The following MBD5 variants were observed in gnomAD, a reference collection of about 807,000 sequenced individuals.
MBD5 encodes methyl-CpG binding domain protein 5.
MBD5 carries 13 observed loss-of-function variants against 117.3 expected under a neutral mutation model. The ratio of observed to expected loss-of-function variants is 0.11; its 90% CI spans 0.07 to 0.18. The LOEUF (loss-of-function observed/expected upper bound fraction) is 0.18, where lower values mean the gene tolerates loss of function less well. Among genes scored for constraint, MBD5 ranks in the 10% least tolerant of loss-of-function variants. The probability of loss-of-function intolerance (pLI) is 1.00; values close to 1 mark genes in which losing one functional copy is unlikely to be tolerated. For synonymous variants in MBD5, 727 were observed against 766.4 expected, an observed-to-expected ratio of 0.95 and a Z score of 0.85; for missense variants, 1,879 against 2,093.8, an observed-to-expected ratio of 0.90 and a Z score of 2.00.
At chr2:148,089,370 A>G (rs1178496988) in intron 1 of MBD5, among the ~76,000 whole-genome samples, 3 of 152,188 alleles carry the variant, frequency 2.0e-5, no homozygotes, top group South Asian at 2.1e-4. Context: ...GCAGAACATT[A>G]TACCTAACAA....
chr2:148,376,369 G>A (rs1355853593), intron 4 of MBD5, among the ~76,000 whole-genome samples: 1 of 148,810 alleles, frequency 6.7e-6, no homozygotes, highest in Non-Finnish European at 1.5e-5. Flanking sequence ...CTGGGTTCAC[G>A]TCATTCTCCT....
chr2:148,277,667 C>T (rs1327678361), intron 3 of MBD5, among the ~76,000 whole-genome samples: 6 of 151,866 alleles, frequency 4.0e-5, no homozygotes, highest in African/African-American at 1.5e-4. Context: ...TTGATAATGC[C>T]TCTATTTGTG....
chr2:148,180,429 T>C (rs1051767502), intron 2 of MBD5, among the ~76,000 whole-genome samples: 1 of 150,082 alleles, frequency 6.7e-6, no homozygotes, highest in African/African-American at 2.4e-5. Context: ...TTTGAGCTCC[T>C]GGGCTCCAGC....
rs566604402 is a variant in MBD5, at chr2:148,496,555, A to T, written c.4963-5881A>T. ...ATTTCAGATAGGAAGCAGGAAATAGATTCTCAGGTCTGAGGCAACTACTTG... is the reference window on the plus strand; with the variant it reads ...ATTTCAGATAGGAAGCAGGAAATAGTTTCTCAGGTCTGAGGCAACTACTTG... On this transcript the variant is annotated intron_variant, in intron 11 of 13. Coordinates refer to ENST00000642680, the MANE Select transcript of MBD5 (RefSeq NM_001378120.1). Among the ~76,000 whole-genome samples, 6 of 152,342 alleles carry T rather than the reference A, an allele frequency of 3.9e-5. No homozygotes were observed. In the East Asian group the frequency reaches 1.2e-3, roughly 29 times the overall value.
chr2:148,442,171 G>A (rs985382910), intron 4 of MBD5, among the ~76,000 whole-genome samples: 3 of 151,298 alleles, frequency 2.0e-5, no homozygotes, highest in African/African-American at 7.4e-5. Flanking sequence ...TAGACCTGAA[G>A]TCCTAAGTGT....
chr2:148,162,655 C>CTTATT (rs1698036387), intron 1 of MBD5, among the ~76,000 whole-genome samples: 4 of 152,032 alleles, frequency 2.6e-5, no homozygotes, highest in Non-Finnish European at 5.9e-5. Context: ...TACATGGTCA[C>CTTATT]TTATTAGCAT....
At position 148,231,453 on chromosome 2, in the gene MBD5, T is replaced by A. The variant is rs73011228; in HGVS notation, c.-830-1792T>A. Among the ~76,000 whole-genome samples the A allele has an allele frequency of 5.6e-3, 854 of 152,314 alleles. 11 individuals are homozygous for A. The highest frequency in any genetic ancestry group is 0.02 in the African/African-American group (826 of 41,574). ...AGAGGTGGCATCAGCTATTTAAGAC[T>A]GTTTTTCCTACCTGTTCAGTGCCTC... On this transcript the variant is annotated intron_variant, in intron 2 of 13. Transcript: ENST00000642680.
At chr2:148,451,891 A>C (rs1044911015) in intron 4 of MBD5, among the ~76,000 whole-genome samples, 1 of 152,178 alleles carries the variant, frequency 6.6e-6, no homozygotes, top group African/African-American at 2.4e-5. Flanking sequence ...TCAAATATCT[A>C]TGTTTTACCT....
At chr2:148,144,949 A>G (rs1326659369) in intron 1 of MBD5, among the ~76,000 whole-genome samples, 1 of 152,190 alleles carries the variant, frequency 6.6e-6, no homozygotes, top group Non-Finnish European at 1.5e-5. Context: ...TTGGTTCCAT[A>G]TGAACTTTAA....
intron 4 of MBD5, among the ~76,000 whole-genome samples, chr2:148,389,219 GTGTGTA>G (rs1213240730): frequency 2.4e-5 from 2 of 84,818 alleles, no homozygotes; most frequent in African/African-American, 4.4e-5. Context: ...GTGTGTGTGT[GTGTGTA>G]ATGTGATATA....
At position 148,490,453 on chromosome 2, in the gene MBD5, A is replaced by C; in HGVS notation, c.4821A>C (p.Glu1607Asp). 6.2e-7 allele frequency: 1 copy of C among 1,614,186 alleles called. No homozygotes were observed. The highest frequency in any genetic ancestry group is 8.5e-7 in the Non-Finnish European group (1 of 1,180,026). Residue 1607 changes from glutamate to aspartate, a missense_variant, in exon 11 of 14, where the codon GAA becomes GAC. Around this residue, in one of 4 missense-constraint regions of MBD5, gnomAD observed 135 missense variants for 148.0 expected, o/e 0.91. Transcript: ENST00000642680. Reference sequence around the variant, plus strand: ...ACCCAGACTCCCCCTCTTCAAATGAATTGATACATTATAGACCAAGGACGT... The same window carrying C: ...ACCCAGACTCCCCCTCTTCAAATGACTTGATACATTATAGACCAAGGACGT... Reference protein sequence around the residue: ...LRNPDSPSSNELIHYRPRTFN... With the variant: ...LRNPDSPSSNDLIHYRPRTFN...
At chr2:148,464,543 C>T (rs529093326) in intron 7 of MBD5, among the ~76,000 whole-genome samples, 69 of 152,202 alleles carry the variant, frequency 4.5e-4, no homozygotes, top group South Asian at 4.4e-3. Flanking sequence ...CACACTCTTA[C>T]ATAAACACGA....
At chr2:148,463,620 G>A (rs1341249244) in intron 6 of MBD5, 119 bp from the exon 7 acceptor site, 2 of 1,254,364 alleles carry the variant, frequency 1.6e-6, no homozygotes, top group Non-Finnish European at 2.3e-6. Context: ...TTAAAAACTT[G>A]AGAAAGTTTT....
intron 1 of MBD5, among the ~76,000 whole-genome samples, chr2:148,108,101 G>A (rs1034041021): frequency 1.4e-5 from 2 of 145,452 alleles, no homozygotes; most frequent in African/African-American, 4.9e-5. Flanking sequence ...CTTCTGTACA[G>A]CCAATTTTCC....
chr2:148,323,703 T>TG (rs1433429814), intron 3 of MBD5, among the ~76,000 whole-genome samples: 1 of 152,224 alleles, frequency 6.6e-6, no homozygotes, highest in Non-Finnish European at 1.5e-5. Context: ...GTTTGTTTTT[T>TG]TCTTGTAAAT....
intron 4 of MBD5, among the ~76,000 whole-genome samples, chr2:148,388,057 A>G (rs1204330544): frequency 6.6e-6 from 1 of 152,208 alleles, no homozygotes; most frequent in East Asian, 1.9e-4. Context: ...TGGCTCTGTC[A>G]GAAAATGAGA....
intron 3 of MBD5, among the ~76,000 whole-genome samples, chr2:148,273,544 C>T (rs898477239): frequency 2.0e-5 from 3 of 152,064 alleles, no homozygotes; most frequent in African/African-American, 4.8e-5. Context: ...TGACTCAGCA[C>T]GTTGTGACAC....
At chr2:148,255,603 T>C (rs1194770619) in intron 3 of MBD5, among the ~76,000 whole-genome samples, 1 of 152,136 alleles carries the variant, frequency 6.6e-6, no homozygotes, top group Admixed American at 6.5e-5. Context: ...CCATACCTGG[T>C]TGGAGGAGGT....
rs144418198 is a variant in MBD5 at position 148,443,632 on chromosome 2, A to C, written c.-556-14571A>C. On this transcript the variant is annotated intron_variant, in intron 4 of 13. Coordinates refer to ENST00000642680, the MANE Select transcript of MBD5 (RefSeq NM_001378120.1). ...GTCATTATGTGAAATGAAATAAGCC[A>C]GGTGCACAAAGACAAACTTCACATG... 9.4e-4 allele frequency among the ~76,000 whole-genome samples: 143 copies of C among 151,514 alleles called. 8 individuals are homozygous for C. Among genetic ancestry groups the C allele is most frequent in the African/African-American group, 3.0e-3 (123 of 40,818 alleles).
Sources: allele counts gnomAD v4.1 joint callset (sites outside exome capture counted in the v4.1 genomes callset), GRCh38; gene constraint gnomAD v4.1.1; regional missense constraint gnomAD v4.1.1; transcripts MANE v1.5; gene names NCBI Gene and HGNC (gene_info 2026-07-23, HGNC 2026-07-21).